TTLL11: variants seen among roughly 807,000 people sequenced by gnomAD.
TTLL11 encodes the protein tubulin polyglutamylase TTLL11.
A neutral mutation model predicts 51.7 loss-of-function variants in TTLL11; 42 were observed. That is an observed-to-expected ratio of 0.81 (90% CI 0.64 to 1.05). The LOEUF is 1.05. Among genes scored for constraint, TTLL11 ranks in the 50% least tolerant of loss-of-function variants. The pLI, the probability that TTLL11 is intolerant of heterozygous loss-of-function variation, is 0.00. For missense variants in TTLL11, 799 were observed against 940.4 expected (o/e 0.85, Z 1.97); for synonymous variants, 381 against 383.5 (o/e 0.99, Z 0.08).
At position 121,868,264 on chromosome 9, in the gene TTLL11, C is replaced by T. The variant is rs546836678; in HGVS notation, c.1733+2233G>A. 3.7e-4 allele frequency among the ~76,000 whole-genome samples: 57 copies of T among 152,282 alleles called. No homozygotes were observed. In the South Asian group the frequency reaches 0.012, roughly 32 times the overall value. On this transcript the variant is annotated intron_variant, in intron 7 of 8. Coordinates refer to ENST00000321582, the MANE Select transcript of TTLL11 (RefSeq NM_001139442.2). Reference sequence around the variant, plus strand: ...ACCTGGGGCCTCTGTCACTAAGCTGCTTTCTTATGTTACAAGGTCCAGGAA... The same window carrying T: ...ACCTGGGGCCTCTGTCACTAAGCTGTTTTCTTATGTTACAAGGTCCAGGAA...
intron 6 of TTLL11, among the ~76,000 whole-genome samples, chr9:121,912,501 G>T (rs1840169490): frequency 6.6e-6 from 1 of 151,378 alleles, no homozygotes; most frequent in African/African-American, 2.4e-5. Context: ...CTGCCCCACA[G>T]TCCATGCAGG....
chr9:122,040,828 C>A (rs554546914), intron 1 of TTLL11, among the ~76,000 whole-genome samples: 1 of 152,366 alleles, frequency 6.6e-6, no homozygotes, highest in African/African-American at 2.4e-5. Flanking sequence ...CTATAATTTA[C>A]AGCATTTTGC....
At chr9:121,866,452 G>C (rs1260240082) in intron 7 of TTLL11, among the ~76,000 whole-genome samples, 2 of 152,092 alleles carry the variant, frequency 1.3e-5, no homozygotes, top group Non-Finnish European at 2.9e-5. Context: ...CTGAGGTCAG[G>C]AGTTCAAGAC....
intron 4 of TTLL11, among the ~76,000 whole-genome samples, chr9:121,988,398 C>T (rs1477575440): frequency 6.6e-6 from 1 of 151,924 alleles, no homozygotes; most frequent in Non-Finnish European, 1.5e-5. Context: ...ACAGCCCCTA[C>T]CTTTCTCTCC....
chr9:122,062,787 G>A (rs1009279229), intron 1 of TTLL11, among the ~76,000 whole-genome samples: 1 of 151,158 alleles, frequency 6.6e-6, no homozygotes, highest in African/African-American at 2.4e-5. Context: ...ACTTTCCCCA[G>A]ATTTTTTTAA....
At chr9:121,866,863 C>T (rs1175550890) in intron 7 of TTLL11, among the ~76,000 whole-genome samples, 3 of 152,104 alleles carry the variant, frequency 2.0e-5, no homozygotes, top group South Asian at 2.1e-4. Flanking sequence ...GTCACGGTCA[C>T]CATGGCTCCC....
At chr9:121,891,781 GTTTCACCTTCTC>G (rs143642601) in intron 6 of TTLL11, among the ~76,000 whole-genome samples, 74,373 of 151,446 alleles carry the variant, frequency 0.49, 18,383 homozygotes, top group South Asian at 0.59. Context: ...CCAGATAGGA[GTTTCACCTTCTC>G]TTTCCTTTAT....
chr9:121,839,511 T>C (rs963896272), intron 8 of TTLL11, among the ~76,000 whole-genome samples: 9 of 152,144 alleles, frequency 5.9e-5, no homozygotes, highest in Non-Finnish European at 1.5e-5. Flanking sequence ...AAAACAGACA[T>C]AAGGGGCTGG....
chr9:122,033,289 T>G (rs1844607279), intron 2 of TTLL11, among the ~76,000 whole-genome samples: 1 of 152,130 alleles, frequency 6.6e-6, no homozygotes, highest in Non-Finnish European at 1.5e-5. Context: ...ATTTTTGTAT[T>G]TTTAGTAGAG....
At chr9:121,826,569 A>ATATATGTG (rs1836810663) in intron 8 of TTLL11, among the ~76,000 whole-genome samples, 1 of 109,776 alleles carries the variant, frequency 9.1e-6, no homozygotes, top group Non-Finnish European at 1.8e-5. Flanking sequence ...ATATATATAT[A>ATATATGTG]TATATATATA....
At chr9:121,946,774 C>T (rs1009135892) in intron 6 of TTLL11, among the ~76,000 whole-genome samples, 1 of 152,052 alleles carries the variant, frequency 6.6e-6, no homozygotes, top group African/African-American at 2.4e-5. Flanking sequence ...AGGCTCCACC[C>T]CCAGAAATTC....
At chr9:121,896,119 T>A (rs543346914) in intron 6 of TTLL11, among the ~76,000 whole-genome samples, 5 of 152,182 alleles carry the variant, frequency 3.3e-5, no homozygotes, top group South Asian at 4.2e-4. Context: ...TTTTTGAGTG[T>A]GTGTGCTCCG....
In TTLL11 at chr9:122,014,295, G is replaced by T. The variant is rs374401330; in HGVS notation, c.693+17428C>A. Among the ~76,000 whole-genome samples the T allele has an allele frequency of 8.5e-5, 13 of 152,108 alleles. 1 individual carries two copies. Among genetic ancestry groups the T allele is most frequent in the African/African-American group, 3.1e-4 (13 of 41,470 alleles). On this transcript the variant is annotated intron_variant, in intron 3 of 8. Transcript: ENST00000321582. Reference sequence around the variant, plus strand: ...CAGGAAAATTGCTCGAACCCAGGAGGCAGAGGTTGCAGTGAGCCGAGATCG... The same window carrying T: ...CAGGAAAATTGCTCGAACCCAGGAGTCAGAGGTTGCAGTGAGCCGAGATCG...
intron 3 of TTLL11, among the ~76,000 whole-genome samples, chr9:121,998,776 C>G (rs1588190758): frequency 6.6e-6 from 1 of 152,128 alleles, no homozygotes; most frequent in Admixed American, 6.5e-5. Flanking sequence ...AGATCTAATC[C>G]TACAAGACAG....
chr9:121,926,396 C>A (rs193266156), intron 6 of TTLL11, among the ~76,000 whole-genome samples: 1 of 152,250 alleles, frequency 6.6e-6, no homozygotes, highest in African/African-American at 2.4e-5. Context: ...ATAACTCCCC[C>A]CTTCTTGTGT....
At chr9:121,892,078 T>A (rs1839262126) in intron 6 of TTLL11, among the ~76,000 whole-genome samples, 1 of 147,650 alleles carries the variant, frequency 6.8e-6, no homozygotes, top group Admixed American at 6.8e-5. Flanking sequence ...AAACTATATA[T>A]GTAGTGATGA....
chr9:121,863,509 T>C (rs192061982), intron 7 of TTLL11, among the ~76,000 whole-genome samples: 1 of 152,312 alleles, frequency 6.6e-6, no homozygotes, highest in Admixed American at 6.5e-5. Context: ...TGTCAAACCT[T>C]TAGCAGGAGC....
At chr9:121,889,703 C>A (rs1170723230) in intron 6 of TTLL11, among the ~76,000 whole-genome samples, 1 of 152,164 alleles carries the variant, frequency 6.6e-6, no homozygotes, top group Non-Finnish European at 1.5e-5. Flanking sequence ...AGTTTGAGAC[C>A]AGCCTGGCCA....
intron 6 of TTLL11, among the ~76,000 whole-genome samples, chr9:121,919,847 TAAAAAAAAAAA>T (rs59700871): frequency 1.6e-5 from 1 of 60,824 alleles, no homozygotes; most frequent in Non-Finnish European, 3.5e-5. Context: ...CCCTCATCTC[TAAAAAAAAAAA>T]AAAAAAAAAA....
Sources: allele counts gnomAD v4.1 joint callset (sites outside exome capture counted in the v4.1 genomes callset), GRCh38; gene constraint gnomAD v4.1.1; transcripts MANE v1.5; gene names NCBI Gene and HGNC (gene_info 2026-07-23, HGNC 2026-07-21).